Variants in CLIP1 observed in about 807,000 individuals in gnomAD.
The protein encoded by CLIP1 is CAP-Gly domain-containing linker protein 1.
In CLIP1, 66 loss-of-function variants were observed where a neutral mutation model predicts 161.6. The observed-to-expected ratio is 0.41, with a 90% CI of 0.33 to 0.50. The LOEUF (loss-of-function observed/expected upper bound fraction) is 0.50. Ranked by LOEUF, CLIP1 falls within the 20% of genes least tolerant of loss-of-function variation. CLIP1 has a pLI of 0.27. For missense variants in CLIP1, 1,376 were observed against 1,702.0 expected, an observed-to-expected ratio of 0.81 and a Z score of 3.37; for synonymous variants, 598 against 626.2, an observed-to-expected ratio of 0.96 and a Z score of 0.67.
In CLIP1 at chr12:122,380,540, G is replaced by T; in HGVS notation, c.-88C>A. The T allele has an allele frequency of 1.4e-6, 1 of 709,502 alleles. No individual in the cohort carries two copies. Among genetic ancestry groups the T allele is most frequent in the Non-Finnish European group, 2.4e-6 (1 of 424,056 alleles). The allele number at this position is 709,502 out of a possible 1,614,324, so 44.0% of individuals were successfully genotyped here. Reference sequence around the variant, plus strand: ...ATACAACTGTGGGTTCTATAGTGAAGTCAGTCTCTGGATTAAATCTGCAAA... The same window carrying T: ...ATACAACTGTGGGTTCTATAGTGAATTCAGTCTCTGGATTAAATCTGCAAA... On this transcript the variant is annotated 5_prime_UTR_variant, in exon 2 of 26. Transcript: ENST00000620786.
At chr12:122,357,326 C>T (rs553152963) in intron 5 of CLIP1, among the ~76,000 whole-genome samples, 33 of 151,676 alleles carry the variant, frequency 2.2e-4, no homozygotes, top group Admixed American at 5.2e-4. Flanking sequence ...TCTGCCCGGC[C>T]GCCCCGTCTG....
chr12:122,298,950 T>C (rs1950572693), intron 20 of CLIP1, among the ~76,000 whole-genome samples: 1 of 152,014 alleles, frequency 6.6e-6, no homozygotes, highest in South Asian at 2.1e-4. Context: ...TGAGACTCCG[T>C]CTCAAAAAGA....
At chr12:122,293,061 A>G (rs1156871418) in intron 20 of CLIP1, among the ~76,000 whole-genome samples, 2 of 152,012 alleles carry the variant, frequency 1.3e-5, no homozygotes, top group Admixed American at 6.6e-5. Flanking sequence ...GATGGGGAGA[A>G]AACATTCGCA....
At chr12:122,336,290 G>T (rs1952213177) in intron 12 of CLIP1, among the ~76,000 whole-genome samples, 1 of 151,928 alleles carries the variant, frequency 6.6e-6, no homozygotes, top group Admixed American at 6.6e-5. Context: ...AATATGAAGG[G>T]GCCTCATTCA....
chr12:122,302,039 G>GT (rs1160381893), intron 20 of CLIP1, among the ~76,000 whole-genome samples: 1 of 152,038 alleles, frequency 6.6e-6, no homozygotes, highest in Non-Finnish European at 1.5e-5. Flanking sequence ...AGTTGGGTTG[G>GT]TTTTTTTAAG....
chr12:122,320,932 T>C, intron 17 of CLIP1, among the ~76,000 whole-genome samples: 1 of 151,288 alleles, frequency 6.6e-6, no homozygotes, highest in East Asian at 2.0e-4. Flanking sequence ...ATGGTCTTGA[T>C]CTTCTGATCT....
In CLIP1 at chr12:122,328,082, G is replaced by A. The variant is rs76956429; in HGVS notation, c.3114C>T (p.Thr1038=). The A allele has an allele frequency of 1.2e-6, 2 of 1,614,120 alleles. No homozygotes were observed. The highest frequency in any genetic ancestry group is 2.2e-5 in the East Asian group (1 of 44,876). Residue 1038 remains threonine, a synonymous_variant, in exon 17 of 26, where the codon ACC becomes ACT. Transcript: ENST00000620786. The part of the protein sequence containing the change: ...RYERATSETK[T]KHEEILQNLQ... Reference sequence around the variant, plus strand: ...GGTTCTGTAGGATTTCTTCATGCTTGGTTTTTGTCTCAGAAGTGGCTCTCT... The same window carrying A: ...GGTTCTGTAGGATTTCTTCATGCTTAGTTTTTGTCTCAGAAGTGGCTCTCT...
chr12:122,404,216 C>T (rs1390158822), intron 1 of CLIP1, among the ~76,000 whole-genome samples: 4 of 152,164 alleles, frequency 2.6e-5, no homozygotes, highest in Non-Finnish European at 5.9e-5. Flanking sequence ...CAAATCAGTG[C>T]ACTAACAAGC....
upstream of CLIP1, chr12:122,422,761 G>C (rs1289179072): frequency 8.1e-6 from 1 of 123,056 alleles, no homozygotes; most frequent in Non-Finnish European, 1.8e-5. Flanking sequence ...AGTCCGCACC[G>C]GCCCTGCGGC....
At chr12:122,381,384 G>GA (rs917898954) in intron 1 of CLIP1, among the ~76,000 whole-genome samples, 7 of 152,064 alleles carry the variant, frequency 4.6e-5, no homozygotes, top group African/African-American at 1.7e-4. Context: ...AGTGATGAGG[G>GA]AAAATTACCT....
intron 19 of CLIP1, among the ~76,000 whole-genome samples, chr12:122,310,627 C>T (rs942051472): frequency 6.6e-6 from 1 of 152,164 alleles, no homozygotes; most frequent in African/African-American, 2.4e-5. Flanking sequence ...TAATCCAAAA[C>T]ATACATCCTA....
chr12:122,413,677 C>T (rs909644142), intron 1 of CLIP1, among the ~76,000 whole-genome samples: 1 of 152,146 alleles, frequency 6.6e-6, no homozygotes, highest in Admixed American at 6.6e-5. Context: ...TAAACTTCCC[C>T]AGGGTAAGAG....
chr12:122,295,945 T>C (rs1305401337), intron 20 of CLIP1, among the ~76,000 whole-genome samples: 6 of 152,218 alleles, frequency 3.9e-5, no homozygotes, highest in Non-Finnish European at 8.8e-5. Context: ...ACTGTTTGCA[T>C]AGTATGTCTT....
At chr12:122,390,249 TACACATATATAC>T (rs1318282032) in intron 1 of CLIP1, among the ~76,000 whole-genome samples, 2 of 101,676 alleles carry the variant, frequency 2.0e-5, no homozygotes, top group African/African-American at 3.7e-5. Context: ...CACATATATA[TACACATATATAC>T]ACACACATAT....
intron 1 of CLIP1, among the ~76,000 whole-genome samples, chr12:122,405,779 G>T (rs1169212490): frequency 1.5e-5 from 2 of 137,694 alleles, no homozygotes; most frequent in African/African-American, 5.5e-5. Context: ...AAACAAAAAG[G>T]AAACAGCAGC....
At chr12:122,376,348 T>C (rs1954732252) in intron 3 of CLIP1, among the ~76,000 whole-genome samples, 1 of 152,170 alleles carries the variant, frequency 6.6e-6, no homozygotes, top group African/African-American at 2.4e-5. Flanking sequence ...CCACCGTACC[T>C]AGCCACGGTT....
rs565936534 is a variant in CLIP1 at position 122,404,425 on chromosome 12, C to CCTGTCT, written c.-107+18090_-107+18095dup. On this transcript the variant is annotated intron_variant, in intron 1 of 25. Transcript: ENST00000620786. ...CTTCGGGCTGGCCAACATGGTGAAA[C>CCTGTCT]CTGTCTCTACTAAAAATATAAAAAT... Among the ~76,000 whole-genome samples the CCTGTCT allele has an allele frequency of 3.7e-4, 56 of 151,658 alleles. 1 individual carries two copies. The South Asian group carries it at 0.011, about 29-fold the overall frequency.
intron 5 of CLIP1, among the ~76,000 whole-genome samples, chr12:122,359,868 C>T (rs1238749206): frequency 6.6e-6 from 1 of 152,336 alleles, no homozygotes; most frequent in East Asian, 1.9e-4. Context: ...GAGACCTGAA[C>T]TCAGTCTGAG....
chr12:122,390,172 GATATATATATATATATATATATATAAT>G lies in CLIP1; in HGVS notation c.-106-9641_-106-9615del, dbSNP rs1199455642. 8.6e-5 allele frequency among the ~76,000 whole-genome samples: 8 copies of G among 93,530 alleles called. No individual in the cohort carries two copies. The East Asian group carries it at 2.9e-3, about 34-fold the overall frequency. The allele number at this position is 93,530 out of a possible 152,430, so 61.4% of individuals were successfully genotyped here. The stretch of plus-strand genomic sequence containing the variant: ...TTTTCTAATAAATTACACAGTCTCA[GATATATATATATATATATATATATAAT>G]ATATATATACACACATATATATACA... On this transcript the variant is annotated intron_variant, in intron 1 of 25. Transcript: ENST00000620786.
Sources: gnomAD v4.1 joint callset for allele counts (sites outside exome capture counted in the v4.1 genomes callset) on GRCh38, gnomAD v4.1.1 for gene constraint, MANE v1.5 for transcripts, NCBI Gene and HGNC (gene_info 2026-07-23, HGNC 2026-07-21) for gene names.